Variants in LHFPL4 observed in about 807,000 individuals in gnomAD.
LHFPL4 encodes LHFPL tetraspan subfamily member 4 protein.
In LHFPL4, 6 loss-of-function variants were observed where a neutral mutation model predicts 20.0. The observed-to-expected ratio is 0.30, with a 90% CI of 0.16 to 0.59. The LOEUF (loss-of-function observed/expected upper bound fraction) is 0.59. LHFPL4 is among the 20% of genes least tolerant of loss of function. The pLI is 0.88. For synonymous variants in LHFPL4, 129 were observed against 143.8 expected (o/e 0.90, Z 0.74); for missense variants, 215 against 331.2 (o/e 0.65, Z 2.72).
intron 2 of LHFPL4, among the ~76,000 whole-genome samples, chr3:9,507,089 A>G (rs2046224296): frequency 6.6e-6 from 1 of 152,176 alleles, no homozygotes; most frequent in Non-Finnish European, 1.5e-5. Context: ...CTGAACCTGA[A>G]CAGGCCTGTT....
At chr3:9,505,538 C>T (rs1371355570) in intron 3 of LHFPL4, among the ~76,000 whole-genome samples, 1 of 152,102 alleles carries the variant, frequency 6.6e-6, no homozygotes, top group Non-Finnish European at 1.5e-5. Flanking sequence ...ACTGCAAGCT[C>T]CACCTCCCGG....
chr3:9,532,746 A>G (rs886394267), intron 2 of LHFPL4, among the ~76,000 whole-genome samples: 5 of 151,934 alleles, frequency 3.3e-5, no homozygotes, highest in Non-Finnish European at 7.4e-5. Context: ...CACAGCTGCC[A>G]CCTGTTATAG....
intron 2 of LHFPL4, among the ~76,000 whole-genome samples, chr3:9,519,471 AT>A (rs1275908665): frequency 2.0e-5 from 3 of 152,202 alleles, no homozygotes; most frequent in African/African-American, 4.8e-5. Flanking sequence ...TTTCAAAAAA[AT>A]AACTTTGGTT....
At chr3:9,522,708 A>C (rs1177553322) in intron 2 of LHFPL4, among the ~76,000 whole-genome samples, 1 of 148,898 alleles carries the variant, frequency 6.7e-6, no homozygotes, top group Non-Finnish European at 1.5e-5. Flanking sequence ...GTGCCATTGC[A>C]CTCCAGCCTG....
chr3:9,524,309 T>G (rs889660168), intron 2 of LHFPL4, among the ~76,000 whole-genome samples: 2 of 152,112 alleles, frequency 1.3e-5, no homozygotes, highest in Non-Finnish European at 2.9e-5. Flanking sequence ...GGGGACATTT[T>G]CAGTCATTAT....
chr3:9,513,218 C>G (rs1200291666), intron 2 of LHFPL4, among the ~76,000 whole-genome samples: 1 of 152,152 alleles, frequency 6.6e-6, no homozygotes, highest in East Asian at 1.9e-4. Flanking sequence ...TCTCGGCCTC[C>G]GAAAGTGCTG....
chr3:9,509,253 C>G (rs2046241742), intron 2 of LHFPL4, among the ~76,000 whole-genome samples: 1 of 136,002 alleles, frequency 7.4e-6, no homozygotes, highest in Non-Finnish European at 1.5e-5. Context: ...CCCCCTCTCT[C>G]TCTCTCTGGC....
chr3:9,541,022 C>A (rs1289743692), intron 2 of LHFPL4, among the ~76,000 whole-genome samples: 3 of 152,070 alleles, frequency 2.0e-5, no homozygotes, highest in Non-Finnish European at 4.4e-5. Flanking sequence ...TCACTGCAAC[C>A]TCTGCCTCCT....
intron 2 of LHFPL4, among the ~76,000 whole-genome samples, chr3:9,535,164 G>T (rs142150922): frequency 6.6e-6 from 1 of 152,078 alleles, no homozygotes; most frequent in Non-Finnish European, 1.5e-5. Flanking sequence ...GTCTCAAAAG[G>T]CTTTTAAAAA....
intron 3 of LHFPL4, among the ~76,000 whole-genome samples, chr3:9,505,515 G>A (rs753886032): frequency 1.8e-4 from 27 of 151,792 alleles, no homozygotes; most frequent in Non-Finnish European, 3.5e-4. Context: ...GTGCAGTGGC[G>A]CAATCTCAGC....
chr3:9,531,942 T>G (rs1022517865), intron 2 of LHFPL4, among the ~76,000 whole-genome samples: 1 of 152,196 alleles, frequency 6.6e-6, no homozygotes, highest in African/African-American at 2.4e-5. Flanking sequence ...TATACTCAGG[T>G]GCTTGTTTTC....
rs1487530623 is a variant in LHFPL4, at chr3:9,500,141, AC to A, written c.*2069del. 1 of 146,608 alleles carries A rather than the reference AC, an allele frequency of 6.8e-6. No homozygotes were observed. The highest frequency in any genetic ancestry group is 2.6e-5 in the African/African-American group (1 of 38,988). The allele number at this position is 146,608 out of a possible 1,614,324, so 9.1% of individuals were successfully genotyped here. On this transcript the variant is annotated 3_prime_UTR_variant, in exon 4 of 4. Transcript: ENST00000287585. The stretch of plus-strand genomic sequence containing the variant: ...CTGTCTCTGCACCCCTCTTCTCCTC[AC>A]CCCAGTGTCTTCTCCCATTCCCAGT...
chr3:9,550,183 C>T (rs1342149926), intron 2 of LHFPL4, among the ~76,000 whole-genome samples: 2 of 152,198 alleles, frequency 1.3e-5, no homozygotes, highest in Non-Finnish European at 2.9e-5. Flanking sequence ...ACTCGTAGTC[C>T]AGTGGTCTGG....
intron 2 of LHFPL4, among the ~76,000 whole-genome samples, chr3:9,531,865 A>G (rs1466067603): frequency 6.6e-6 from 1 of 152,024 alleles, no homozygotes; most frequent in African/African-American, 2.4e-5. Context: ...AAGGAAGATT[A>G]CTTGAGTTTA....
chr3:9,509,669 C>T (rs2046244388), intron 2 of LHFPL4, among the ~76,000 whole-genome samples: 1 of 152,218 alleles, frequency 6.6e-6, no homozygotes. Flanking sequence ...GGGGCACTCA[C>T]GCTGCAGGGT....
At chr3:9,520,915 T>G (rs1462898471) in intron 2 of LHFPL4, among the ~76,000 whole-genome samples, 1 of 152,102 alleles carries the variant, frequency 6.6e-6, no homozygotes, top group Non-Finnish European at 1.5e-5. Flanking sequence ...AGATATCCAT[T>G]ATATGCATTT....
intron 2 of LHFPL4, among the ~76,000 whole-genome samples, chr3:9,514,538 A>G (rs2046284895): frequency 6.6e-6 from 1 of 152,180 alleles, no homozygotes. Flanking sequence ...CACATTAAGG[A>G]TTACTCCTGG....
rs759901156 is a variant in LHFPL4, at chr3:9,552,391, A to C, written c.289T>G (p.Phe97Val). 2 of 1,613,942 alleles carry C rather than the reference A, an allele frequency of 1.2e-6. No homozygotes were observed. ...AGCACCATGGAGAGCAGCACGAAGA[A>C]GGCGGCCGCCTTGAAGGCGCTGGAC... ...IPSSAFKAAA[F>V]FVLLSMVLIL... Residue 97 changes from phenylalanine (F) to valine (V), a missense_variant, in exon 2 of 4, where the codon TTC becomes GTC. This residue lies in a region of LHFPL4 where 164 missense variants were observed against 286.7 expected (regional missense o/e 0.57). Transcript: ENST00000287585.
intron 2 of LHFPL4, among the ~76,000 whole-genome samples, chr3:9,511,600 T>G (rs1193871286): frequency 6.6e-6 from 1 of 152,230 alleles, no homozygotes; most frequent in Non-Finnish European, 1.5e-5. Flanking sequence ...CAGGATCATT[T>G]GCCATAAATA....
Sources: gnomAD v4.1 joint callset for allele counts (sites outside exome capture counted in the v4.1 genomes callset) on GRCh38, gnomAD v4.1.1 for gene constraint, gnomAD v4.1.1 regional missense constraint, MANE v1.5 for transcripts, NCBI Gene and HGNC (gene_info 2026-07-23, HGNC 2026-07-21) for gene names.